The following GNS variants were observed in gnomAD, a reference collection of about 807,000 sequenced individuals.
The protein encoded by GNS is glucosamine (N-acetyl)-6-sulfatase, also known as N-acetylglucosamine-6-sulfatase.
Under a neutral mutation model 69.7 loss-of-function variants are expected in GNS, and 40 were observed. That is an observed-to-expected ratio of 0.57 (90% CI 0.45 to 0.75). GNS has a LOEUF of 0.75. GNS is among the 30% of genes least tolerant of loss of function. The pLI is 0.00. For missense variants in GNS, 565 were observed against 685.5 expected (o/e 0.82, Z 1.96); for synonymous variants, 243 against 251.6 (o/e 0.97, Z 0.32).
intron 13 of GNS, among the ~76,000 whole-genome samples, chr12:64,719,449 A>T (rs1359462470): frequency 6.6e-6 from 1 of 152,202 alleles, no homozygotes; most frequent in Non-Finnish European, 1.5e-5. Context: ...AAAAGTTACT[A>T]AGAAGGACCG....
At chr12:64,728,474 C>T (rs1869280880) in intron 10 of GNS, among the ~76,000 whole-genome samples, 2 of 152,232 alleles carry the variant, frequency 1.3e-5, no homozygotes, top group African/African-American at 4.8e-5. Context: ...TTTCCAAATT[C>T]TCAGACTTCT....
rs1210247666 is a variant in GNS, at chr12:64,732,153, A to AT, written c.1099-3097dup. Among the ~76,000 whole-genome samples the AT allele has an allele frequency of 1.5e-3, 135 of 88,728 alleles. 17 individuals are homozygous for AT. Among genetic ancestry groups the AT allele is most frequent in the South Asian group, 3.3e-3 (7 of 2,092 alleles). 58.2% of individuals were successfully genotyped at this position (88,728 alleles called of 152,430 possible). ...AGGCACCTGCCACCACACCTGGCTA[A>AT]TTTTTTTTTTTTGTTGTTTTTTTTT... is the stretch of plus-strand genomic sequence containing the variant. On this transcript the variant is annotated intron_variant, in intron 9 of 13. Coordinates refer to ENST00000258145, the MANE Select transcript of GNS (RefSeq NM_002076.4).
intron 4 of GNS, 121 bp from the exon 5 acceptor site, chr12:64,745,028 A>T (rs1869856138): frequency 1.5e-6 from 1 of 673,408 alleles, no homozygotes; most frequent in South Asian, 1.5e-5. Flanking sequence ...TAATTACTCA[A>T]GTCAATACTG....
At chr12:64,758,057 T>C (rs555454107) in intron 1 of GNS, among the ~76,000 whole-genome samples, 2 of 152,174 alleles carry the variant, frequency 1.3e-5, no homozygotes, top group Non-Finnish European at 2.9e-5. Context: ...TGGGCCTCCA[T>C]GGGGAAGGGG....
intron 13 of GNS, among the ~76,000 whole-genome samples, chr12:64,717,328 C>A (rs1407413570): frequency 6.6e-6 from 1 of 152,118 alleles, no homozygotes; most frequent in Non-Finnish European, 1.5e-5. Flanking sequence ...CTACAAGAGC[C>A]TCACCATAAA....
At position 64,723,156 on chromosome 12, in the gene GNS, T is replaced by A. The variant is rs750629542; in HGVS notation, c.1201-43A>T. The A allele has an allele frequency of 5.2e-6, 6 of 1,163,878 alleles. No individual in the cohort carries two copies. In the African/African-American group the frequency reaches 9.0e-5, roughly 18 times the overall value. 72.1% of individuals were successfully genotyped at this position (1,163,878 alleles called of 1,614,324 possible). ...TGGAATTTCTGTGATGCACATAGAC[T>A]ATGATAAAGATCACAAAGTAATTGA... On this transcript the variant is annotated intron_variant, in intron 10 of 13. Transcript: ENST00000258145.
Position 64,718,360 on chromosome 12 carries a change from A to G in GNS, c.1581-1541T>C, listed in dbSNP as rs146043682. On this transcript the variant is annotated intron_variant, in intron 13 of 13. Coordinates refer to ENST00000258145, the MANE Select transcript of GNS (RefSeq NM_002076.4). ...GCCAGCATCTAGCACTTTAGTTATA[A>G]GCTTCTAAAATGTGAGGAAGACAAT... 1.4e-3 allele frequency among the ~76,000 whole-genome samples: 217 copies of G among 152,386 alleles called. 1 individual carries two copies. The highest frequency in any genetic ancestry group is 4.9e-3 in the African/African-American group (204 of 41,590).
At position 64,713,909 on chromosome 12, in the gene GNS, A is replaced by G. The variant is rs1868783770; in HGVS notation, c.*2832T>C. On this transcript the variant is annotated 3_prime_UTR_variant, in exon 14 of 14. Coordinates refer to ENST00000258145, the MANE Select transcript of GNS (RefSeq NM_002076.4). ...CACTTTGGGAGGCCGAGAAAGGTGGATCACCTGAGGTCAGGAGTTAATCAG... is the reference window on the plus strand; with the variant it reads ...CACTTTGGGAGGCCGAGAAAGGTGGGTCACCTGAGGTCAGGAGTTAATCAG... 1 of 152,246 alleles carries G rather than the reference A, an allele frequency of 6.6e-6. No individual in the cohort carries two copies. Among genetic ancestry groups the G allele is most frequent in the Non-Finnish European group, 1.5e-5 (1 of 68,070 alleles). The allele number at this position is 152,246 out of a possible 1,614,324, so 9.4% of individuals were successfully genotyped here.
intron 9 of GNS, chr12:64,729,363 C>T (rs1039190575): frequency 2.6e-5 from 8 of 307,136 alleles, no homozygotes; most frequent in Non-Finnish European, 4.3e-5. Context: ...GAGTTTGTTG[C>T]GAATCATGAG....
intron 9 of GNS, 67 bp downstream of exon 9, chr12:64,736,937 G>C: frequency 1.2e-6 from 1 of 833,616 alleles, no homozygotes; most frequent in Non-Finnish European, 2.1e-6. Context: ...CTTATCTCAG[G>C]AGGAAACACC....
intron 10 of GNS, 53 bp downstream of exon 10, chr12:64,728,903 C>G: frequency 1.2e-6 from 1 of 848,730 alleles, no homozygotes; most frequent in Non-Finnish European, 2.1e-6. Context: ...CTTTACACAA[C>G]CCAGAATTTA....
chr12:64,718,669 C>T (rs1051824109), intron 13 of GNS, among the ~76,000 whole-genome samples: 1 of 152,244 alleles, frequency 6.6e-6, no homozygotes, highest in Non-Finnish European at 1.5e-5. Flanking sequence ...TGTTTGGCCA[C>T]ACATCATAAT....
intron 10 of GNS, among the ~76,000 whole-genome samples, chr12:64,723,562 CTG>C (rs1869100259): frequency 6.6e-6 from 1 of 152,182 alleles, no homozygotes; most frequent in African/African-American, 2.4e-5. Context: ...GTGCTAAAGA[CTG>C]TAACAGGTTC....
intron 10 of GNS, 121 bp from the exon 11 acceptor site, chr12:64,723,234 T>G: frequency 1.4e-6 from 1 of 712,416 alleles, no homozygotes; most frequent in South Asian, 1.5e-5. Context: ...ATTCAGTAAC[T>G]AAAGGGAATG....
chr12:64,722,862 C>T (rs2136237838), intron 11 of GNS, 144 bp downstream of exon 11: 2 of 669,798 alleles, frequency 3.0e-6, no homozygotes, highest in African/African-American at 1.8e-5. Context: ...CTGGATTTAC[C>T]TTTGTCCATC....
Position 64,758,734 on chromosome 12 carries a change from A to G in GNS, c.192+351T>C, listed in dbSNP as rs184327521. On this transcript the variant is annotated intron_variant, in intron 1 of 13. Transcript: ENST00000258145. ...GACTTGTCTGTGATCCTCTAATCCA[A>G]AAGAAAAACAATCAGGCCTTGAGTG... Among the ~76,000 whole-genome samples the G allele has an allele frequency of 2.3e-3, 343 of 152,178 alleles. 2 individuals carry two copies. The highest frequency in any genetic ancestry group is 7.9e-3 in the African/African-American group (326 of 41,506).
At chr12:64,739,114 C>T (rs1403970143) in intron 8 of GNS, among the ~76,000 whole-genome samples, 5 of 152,118 alleles carry the variant, frequency 3.3e-5, no homozygotes, top group East Asian at 1.9e-4. Context: ...GCCTTCCATA[C>T]GGCCTGCCTC....
rs1870389522 is a variant in GNS, at chr12:64,759,197, A to C, written c.80T>G (p.Leu27Arg). The C allele has an allele frequency of 6.5e-7, 1 of 1,548,190 alleles. No individual in the cohort carries two copies. Among genetic ancestry groups the C allele is most frequent in the African/African-American group, 1.4e-5 (1 of 73,118 alleles). The change falls in exon 1 of 14, where the codon CTA becomes CGA. Residue 27 changes from leucine to arginine, a missense_variant. This residue lies in a region of GNS where 181 missense variants were observed against 174.4 expected (regional missense o/e 1.04). Transcript: ENST00000258145. ...CAGGCAGCCGCCCAGCACCAGCAGT[A>C]GCAGCGCTGGGCTGCAGGAGGGCAG... Reference protein sequence around the residue: ...RHLPSCSPALLLLVLGGCLGV... With the variant: ...RHLPSCSPALRLLVLGGCLGV...
At chr12:64,725,862 G>A (rs1869179608) in intron 10 of GNS, among the ~76,000 whole-genome samples, 1 of 151,762 alleles carries the variant, frequency 6.6e-6, no homozygotes. Context: ...CGGGCCTGGT[G>A]GCAGGTGCCT....
Sources: gnomAD v4.1 joint callset for allele counts (sites outside exome capture counted in the v4.1 genomes callset) on GRCh38, gnomAD v4.1.1 for gene constraint, gnomAD v4.1.1 regional missense constraint, MANE v1.5 for transcripts, NCBI Gene and HGNC (gene_info 2026-07-23, HGNC 2026-07-21) for gene names.